The following RUNDC3B variants were observed in gnomAD, a reference collection of about 807,000 sequenced individuals.
The protein encoded by RUNDC3B is RUN domain-containing protein 3B.
Under a neutral mutation model 58.4 loss-of-function variants are expected in RUNDC3B, and 33 were observed. The observed-to-expected ratio is 0.56, with a 90% CI of 0.43 to 0.75. The LOEUF (loss-of-function observed/expected upper bound fraction) is 0.75, where lower values mean the gene tolerates loss of function less well. Ranked by LOEUF, RUNDC3B falls within the 30% of genes least tolerant of loss-of-function variation. The pLI is 0.00. For missense variants in RUNDC3B, 501 were observed against 535.7 expected (o/e 0.94, Z 0.64); for synonymous variants, 193 against 195.2 (o/e 0.99, Z 0.10).
At chr7:87,761,234 A>C (rs935227025) in intron 6 of RUNDC3B, among the ~76,000 whole-genome samples, 3 of 152,004 alleles carry the variant, frequency 2.0e-5, no homozygotes, top group African/African-American at 7.2e-5. Flanking sequence ...GATACTCAAC[A>C]TCATTAGTCA....
intron 8 of RUNDC3B, among the ~76,000 whole-genome samples, chr7:87,802,472 A>T (rs546512163): frequency 6.6e-6 from 1 of 152,194 alleles, no homozygotes; most frequent in Admixed American, 6.5e-5. Context: ...CACAAAAAAA[A>T]TTAGAAAGAA....
At chr7:87,757,456 A>G (rs1833435101) in intron 6 of RUNDC3B, among the ~76,000 whole-genome samples, 1 of 152,172 alleles carries the variant, frequency 6.6e-6, no homozygotes, top group African/African-American at 2.4e-5. Context: ...ATAAAATTAA[A>G]TACCTAAGAA....
At chr7:87,693,386 G>T (rs1407529358) in intron 2 of RUNDC3B, among the ~76,000 whole-genome samples, 1 of 152,096 alleles carries the variant, frequency 6.6e-6, no homozygotes, top group African/African-American at 2.4e-5. Flanking sequence ...GGCAAAAAAT[G>T]AATGGCTACA....
At chr7:87,800,990 A>G (rs1836117288) in intron 8 of RUNDC3B, among the ~76,000 whole-genome samples, 1 of 152,200 alleles carries the variant, frequency 6.6e-6, no homozygotes, top group South Asian at 2.1e-4. Flanking sequence ...AAGATAATTT[A>G]TACAATATTT....
intron 8 of RUNDC3B, among the ~76,000 whole-genome samples, chr7:87,797,562 T>C (rs1292020839): frequency 1.3e-5 from 2 of 152,190 alleles, no homozygotes; most frequent in African/African-American, 2.4e-5. Flanking sequence ...TGGGTGAGCA[T>C]TGCCTAAAGC....
In RUNDC3B at chr7:87,681,559, C is replaced by T. The variant is rs374624139; in HGVS notation, c.239-18862C>T. Among the ~76,000 whole-genome samples, 16 of 150,786 alleles carry T rather than the reference C, an allele frequency of 1.1e-4. No homozygotes were observed. In the East Asian group the frequency reaches 3.0e-3, roughly 28 times the overall value. ...GCATTATGTCTAAAAAATGTACATA[C>T]CCTAATTAAACTACTTTACTGCTAA... is the stretch of plus-strand genomic sequence containing the variant. On this transcript the variant is annotated intron_variant, in intron 2 of 10. Transcript: ENST00000394654.
chr7:87,640,657 T>C (rs1183756407), intron 1 of RUNDC3B, among the ~76,000 whole-genome samples: 2 of 152,216 alleles, frequency 1.3e-5, no homozygotes, highest in African/African-American at 4.8e-5. Flanking sequence ...ATTATCTTTT[T>C]ACACTCCAAT....
intron 3 of RUNDC3B, among the ~76,000 whole-genome samples, chr7:87,710,361 A>G (rs938935957): frequency 4.6e-5 from 7 of 152,188 alleles, no homozygotes; most frequent in Admixed American, 1.3e-4. Context: ...TTAGTTTGAC[A>G]TGCTGTACCC....
chr7:87,628,913 G>T lies in RUNDC3B; in HGVS notation c.90G>T (p.Ala30=), dbSNP rs758311208. Residue 30 remains alanine, a synonymous_variant, in exon 1 of 11, where the codon GCG becomes GCT. Transcript: ENST00000394654. The part of the protein sequence containing the change: ...GKKSLSARNA[A]VERRNLITVC... ...AAAGCCTGAGCGCCCGCAATGCTGC[G>T]GTGGAGAGGAGGAACCTGATCACCG... 1 of 1,309,210 alleles carries T rather than the reference G, an allele frequency of 7.6e-7. No homozygotes were observed. Among genetic ancestry groups the T allele is most frequent in the Non-Finnish European group, 9.8e-7 (1 of 1,020,614 alleles). 81.1% of individuals were successfully genotyped at this position (1,309,210 alleles called of 1,614,324 possible).
At chr7:87,674,804 G>T (rs1482415571) in intron 2 of RUNDC3B, among the ~76,000 whole-genome samples, 2 of 152,058 alleles carry the variant, frequency 1.3e-5, no homozygotes, top group Non-Finnish European at 2.9e-5. Flanking sequence ...CTGACAGGAG[G>T]GTGCTTAGAT....
intron 10 of RUNDC3B, among the ~76,000 whole-genome samples, chr7:87,829,215 C>T (rs558586828): frequency 6.9e-4 from 105 of 152,250 alleles, no homozygotes; most frequent in East Asian, 1.3e-3. Context: ...GGATATCAGA[C>T]ATTTGTTGGA....
chr7:87,693,964 C>G, intron 2 of RUNDC3B: 1 of 1,611,554 alleles, frequency 6.2e-7, no homozygotes, highest in Non-Finnish European at 8.5e-7. Context: ...TCAAGGTACT[C>G]TATGCTGGTG....
rs555309870 is a variant in RUNDC3B at position 87,645,122 on chromosome 7, G to A, written c.123-5700G>A. Among the ~76,000 whole-genome samples, 7 of 127,894 alleles carry A rather than the reference G, an allele frequency of 5.5e-5. No individual in the cohort carries two copies. In the South Asian group the frequency reaches 1.7e-3, roughly 31 times the overall value. 83.9% of individuals were successfully genotyped at this position (127,894 alleles called of 152,430 possible). A position where few individuals can be genotyped will look rare whatever the true frequency, so the allele number is the denominator to read the frequency against. ...TTTGAGACAGAGTTTTGCTCTTGTT[G>A]CTCAGGCCGGAGTGCAGTGGCACGA... On this transcript the variant is annotated intron_variant, in intron 1 of 10. Transcript: ENST00000394654.
intron 4 of RUNDC3B, among the ~76,000 whole-genome samples, chr7:87,721,803 C>G (rs181022546): frequency 1.8e-4 from 27 of 151,884 alleles, no homozygotes; most frequent in African/African-American, 6.0e-4. Flanking sequence ...GTCTCTGTCT[C>G]TCTCTCTCTC....
At chr7:87,656,607 G>T (rs1041075261) in intron 2 of RUNDC3B, among the ~76,000 whole-genome samples, 1 of 151,990 alleles carries the variant, frequency 6.6e-6, no homozygotes, top group Non-Finnish European at 1.5e-5. Flanking sequence ...ATAAAGAAGA[G>T]AAAGACGTTA....
chr7:87,803,718 C>T (rs1208969448), intron 8 of RUNDC3B, among the ~76,000 whole-genome samples: 2 of 152,134 alleles, frequency 1.3e-5, no homozygotes, highest in African/African-American at 4.8e-5. Flanking sequence ...TCCTCCACTG[C>T]CTACCTAATA....
chr7:87,753,301 G>C (rs1354248157), intron 6 of RUNDC3B, among the ~76,000 whole-genome samples: 2 of 151,718 alleles, frequency 1.3e-5, no homozygotes, highest in Non-Finnish European at 2.9e-5. Context: ...CAAGTATGTG[G>C]TCAATTTTGG....
At position 87,689,443 on chromosome 7, in the gene RUNDC3B, GCTTT is replaced by G. The variant is rs28381739; in HGVS notation, c.239-10973_239-10970del. 3.9e-5 allele frequency among the ~76,000 whole-genome samples: 6 copies of G among 152,074 alleles called. 1 individual carries two copies. The highest frequency in any genetic ancestry group is 1.2e-4 in the African/African-American group (5 of 41,514). On this transcript the variant is annotated intron_variant, in intron 2 of 10. Transcript: ENST00000394654. ...ACTTTATTTTTAATCTTGGAAAATT[GCTTT>G]CTTTATTATTTTTGCTACATAATTC...
intron 10 of RUNDC3B, among the ~76,000 whole-genome samples, chr7:87,823,954 ATAAT>A (rs1042521000): frequency 6.6e-6 from 1 of 152,144 alleles, no homozygotes; most frequent in African/African-American, 2.4e-5. Context: ...ATTGAGAAAA[ATAAT>A]TAAGCCAATG....
Sources: gnomAD v4.1 joint callset for allele counts (sites outside exome capture counted in the v4.1 genomes callset) on GRCh38, gnomAD v4.1.1 for gene constraint, MANE v1.5 for transcripts, NCBI Gene and HGNC (gene_info 2026-07-23, HGNC 2026-07-21) for gene names.